Variants in HPSE2 observed in about 807,000 individuals in gnomAD.
HPSE2 encodes inactive heparanase-2.
A neutral mutation model predicts 60.5 loss-of-function variants in HPSE2; 38 were observed. That is an observed-to-expected ratio of 0.63 (90% CI 0.48 to 0.82). The LOEUF (loss-of-function observed/expected upper bound fraction) is 0.82. Ranked by LOEUF, HPSE2 falls within the 40% of genes least tolerant of loss-of-function variation. The pLI is 0.00. For synonymous variants in HPSE2, 295 were observed against 293.2 expected (o/e 1.01, Z -0.06); for missense variants, 713 against 740.4 (o/e 0.96, Z 0.43).
Position 99,072,017 on chromosome 10 carries a change from CTTTG to C in HPSE2, c.610+72217_610+72220del, listed in dbSNP as rs1172033529. ...AATTCAGGAAGTGGATTGCCTCTAA[CTTTG>C]TTTGTTTTTTTTTTTTTAATTGTTT... On this transcript the variant is annotated intron_variant, in intron 3 of 11. Transcript: ENST00000370552. Among the ~76,000 whole-genome samples the C allele has an allele frequency of 1.2e-3, 117 of 96,494 alleles. 1 individual carries two copies. The highest frequency in any genetic ancestry group is 3.1e-3 in the African/African-American group (109 of 35,392). The allele number at this position is 96,494 out of a possible 152,430, so 63.3% of individuals were successfully genotyped here. A position where few individuals can be genotyped will look rare whatever the true frequency, so the allele number is the denominator to read the frequency against.
chr10:98,515,033 C>T (rs1270822664), intron 9 of HPSE2, among the ~76,000 whole-genome samples: 1 of 152,136 alleles, frequency 6.6e-6, no homozygotes, highest in Admixed American at 6.5e-5. Context: ...CCGTTATATA[C>T]TGTTTACTTA....
intron 3 of HPSE2, among the ~76,000 whole-genome samples, chr10:99,087,425 T>C (rs755158838): frequency 1.3e-5 from 2 of 152,220 alleles, no homozygotes; most frequent in East Asian, 1.9e-4. Context: ...GCAATAAGTA[T>C]TGACGTCAAT....
At chr10:99,208,458 G>A (rs1313083097) in intron 2 of HPSE2, among the ~76,000 whole-genome samples, 1 of 152,076 alleles carries the variant, frequency 6.6e-6, no homozygotes, top group Non-Finnish European at 1.5e-5. Flanking sequence ...GCCAAAGCAG[G>A]CATATTTCTT....
intron 4 of HPSE2, 148 bp from the exon 5 acceptor site, chr10:98,721,976 A>T: frequency 1.4e-6 from 1 of 730,954 alleles, no homozygotes; most frequent in South Asian, 1.6e-5. Context: ...AACTTAAAGA[A>T]CCACCCAAAC....
At chr10:98,938,863 T>C (rs1954896667) in intron 3 of HPSE2, among the ~76,000 whole-genome samples, 1 of 143,884 alleles carries the variant, frequency 7.0e-6, no homozygotes, top group Non-Finnish European at 1.5e-5. Context: ...CAAAGGGAAG[T>C]CCATCAGACT....
In HPSE2 at chr10:98,528,686, G is replaced by C. The variant is rs993908519; in HGVS notation, c.1321-38490C>G. On this transcript the variant is annotated intron_variant, in intron 9 of 11. Transcript: ENST00000370552. ...ATGAATTTCGGGACCAAATCCCTCT[G>C]AGTTTCCTGTCCTATTATGTGTCAG... Among the ~76,000 whole-genome samples the C allele has an allele frequency of 4.6e-5, 7 of 152,302 alleles. No homozygotes were observed. The East Asian group carries it at 1.4e-3, about 29-fold the overall frequency.
the HPSE2 span, among the ~76,000 whole-genome samples, chr10:99,305,961 A>ATACGCGCGTGCGCGCGCGCGCGCGCGTG: frequency 9.7e-6 from 1 of 103,062 alleles, no homozygotes; most frequent in Non-Finnish European, 1.9e-5. Flanking sequence ...ACTCACACAC[A>ATACGCGCGTGCGCGCGCGCGCGCGCGTG]CGCGCGCGCG....
intron 9 of HPSE2, among the ~76,000 whole-genome samples, chr10:98,549,341 C>CTAT (rs375917802): frequency 1.3e-4 from 19 of 150,018 alleles, no homozygotes; most frequent in East Asian, 7.9e-4. Context: ...TACAAAATAA[C>CTAT]TATTATTATT....
Position 98,740,928 on chromosome 10 carries a change from C to G in HPSE2, c.784+2955G>C, listed in dbSNP as rs183961097. Among the ~76,000 whole-genome samples, 7 of 152,200 alleles carry G rather than the reference C, an allele frequency of 4.6e-5. No homozygotes were observed. The East Asian group carries it at 1.4e-3, about 29-fold the overall frequency. On this transcript the variant is annotated intron_variant, in intron 4 of 11. Coordinates refer to ENST00000370552, the MANE Select transcript of HPSE2 (RefSeq NM_021828.5). ...ACACAGAATAGTTTTGAGCAGAATA[C>G]TGTACATTGGATATCTTAAGAGAGA...
At chr10:99,035,322 C>G (rs1158457802) in intron 3 of HPSE2, among the ~76,000 whole-genome samples, 1 of 152,038 alleles carries the variant, frequency 6.6e-6, no homozygotes, top group Non-Finnish European at 1.5e-5. Context: ...CACATATTAC[C>G]TAGGCCTACA....
At chr10:98,568,462 T>C (rs1944406887) in intron 9 of HPSE2, among the ~76,000 whole-genome samples, 6 of 152,140 alleles carry the variant, frequency 3.9e-5, no homozygotes, top group Admixed American at 3.3e-4. Context: ...AATACTGCTC[T>C]AGGAGGGATG....
chr10:98,539,519 TCAAACAAACAAACAAA>T (rs560536661), intron 9 of HPSE2, among the ~76,000 whole-genome samples: 15 of 152,132 alleles, frequency 9.9e-5, no homozygotes, highest in African/African-American at 2.7e-4. Context: ...AGACTCTGTC[TCAAACAAACAAACAAA>T]CAAACAAACA....
chr10:99,277,321 A>C, the HPSE2 span, among the ~76,000 whole-genome samples: 1 of 152,268 alleles, frequency 6.6e-6, no homozygotes, highest in African/African-American at 2.4e-5. Context: ...ACTTTGAGAA[A>C]ATCAGCATTT....
intron 9 of HPSE2, 42 bp from the exon 10 acceptor site, chr10:98,490,238 T>C: frequency 2.5e-6 from 4 of 1,595,174 alleles, no homozygotes; most frequent in Non-Finnish European, 2.6e-6. Flanking sequence ...AGAGAACACA[T>C]GCTCAGGTGT....
At chr10:98,874,625 T>C (rs1451112839) in intron 3 of HPSE2, among the ~76,000 whole-genome samples, 2 of 152,086 alleles carry the variant, frequency 1.3e-5, no homozygotes, top group Non-Finnish European at 2.9e-5. Context: ...CTGATTGCCC[T>C]GGCCAGAACT....
At chr10:99,196,722 G>A (rs1003613266) in intron 2 of HPSE2, among the ~76,000 whole-genome samples, 1 of 152,138 alleles carries the variant, frequency 6.6e-6, no homozygotes, top group Non-Finnish European at 1.5e-5. Context: ...ACAAATGCTG[G>A]CAAGGATGTG....
intron 3 of HPSE2, among the ~76,000 whole-genome samples, chr10:99,123,490 T>G (rs1845040335): frequency 6.6e-6 from 1 of 152,168 alleles, no homozygotes; most frequent in East Asian, 1.9e-4. Context: ...AGGCAGAGCG[T>G]GGTTTCAGCT....
intron 3 of HPSE2, chr10:99,048,092 G>T (rs940627122): frequency 4.5e-6 from 4 of 892,560 alleles, no homozygotes; most frequent in Non-Finnish European, 7.2e-6. Context: ...GTCAGTAAAT[G>T]AACTAATCTA....
At chr10:99,169,274 G>A (rs1847210306) in intron 2 of HPSE2, among the ~76,000 whole-genome samples, 1 of 150,098 alleles carries the variant, frequency 6.7e-6, no homozygotes, top group African/African-American at 2.5e-5. Context: ...AGGAGACCGA[G>A]GCAGGCGGAT....
Sources: gnomAD v4.1 joint callset for allele counts (sites outside exome capture counted in the v4.1 genomes callset) on GRCh38, gnomAD v4.1.1 for gene constraint, MANE v1.5 for transcripts, NCBI Gene and HGNC (gene_info 2026-07-23, HGNC 2026-07-21) for gene names.